The following JPH1 variants were observed in gnomAD, a reference collection of about 807,000 sequenced individuals.
JPH1 encodes the protein junctophilin 1.
In JPH1, 12 loss-of-function variants were observed where a neutral mutation model predicts 53.6. That is an observed-to-expected ratio of 0.22 (90% CI 0.14 to 0.36). The LOEUF is 0.36. JPH1 is among the 10% of genes least tolerant of loss of function. JPH1 has a pLI of 1.00. For missense variants in JPH1, 808 were observed against 905.5 expected (o/e 0.89, Z 1.38); for synonymous variants, 375 against 363.8 (o/e 1.03, Z -0.35).
intron 2 of JPH1, among the ~76,000 whole-genome samples, chr8:74,305,523 G>C (rs950317420): frequency 6.6e-6 from 1 of 152,218 alleles, no homozygotes; most frequent in Non-Finnish European, 1.5e-5. Flanking sequence ...ATTGAGAAAG[G>C]GTCATATTTC....
intron 2 of JPH1, among the ~76,000 whole-genome samples, chr8:74,275,824 C>T (rs1193707570): frequency 6.6e-6 from 1 of 152,170 alleles, no homozygotes; most frequent in Non-Finnish European, 1.5e-5. Context: ...CTTCCCCACC[C>T]CCTGCTCTGA....
At chr8:74,262,237 C>G (rs545261968) in intron 2 of JPH1, among the ~76,000 whole-genome samples, 1 of 152,318 alleles carries the variant, frequency 6.6e-6, no homozygotes, top group Non-Finnish European at 1.5e-5. Context: ...GCTGTTAACA[C>G]CAGCCTGTAC....
chr8:74,320,931 G>T lies in JPH1; in HGVS notation c.357C>A (p.Gly119=). 1 of 1,588,932 alleles carries T rather than the reference G, an allele frequency of 6.3e-7. No homozygotes were observed. Among genetic ancestry groups the T allele is most frequent in the Non-Finnish European group, 8.6e-7 (1 of 1,168,108 alleles). Residue 119 remains glycine (G), a synonymous_variant, in exon 1 of 6, where the codon GGC becomes GGA. Coordinates refer to ENST00000342232, the MANE Select transcript of JPH1 (RefSeq NM_020647.4). The surrounding 1 kb of genome is among the most constrained non-coding windows in gnomAD (Gnocchi z 4.4). Reference sequence around the variant, plus strand: ...CACCTCCGTCCCCGTAGGTCTCCACGCCGTACCCGTCTTGCAGCCCGTTAC... The same window carrying T: ...CACCTCCGTCCCCGTAGGTCTCCACTCCGTACCCGTCTTGCAGCCCGTTAC... The part of the protein sequence containing the change: ...TWSNGLQDGY[G]VETYGDGGTY...
At chr8:74,304,663 G>GA (rs1807781581) in intron 2 of JPH1, among the ~76,000 whole-genome samples, 2 of 400 alleles carry the variant, frequency 5.0e-3, no homozygotes, top group Non-Finnish European at 0.01. Context: ...GCATTGATAG[G>GA]GTTTCTAGAC....
intron 3 of JPH1, among the ~76,000 whole-genome samples, chr8:74,245,989 T>TATAAAGAAACAGG (rs1344630142): frequency 1.3e-5 from 2 of 150,890 alleles, no homozygotes; most frequent in African/African-American, 4.9e-5. Flanking sequence ...ACAGAGTGTG[T>TATAAAGAAACAGG]GCCACAAAAT....
intron 4 of JPH1, among the ~76,000 whole-genome samples, chr8:74,240,164 GTT>G (rs1311432846): frequency 1.3e-5 from 2 of 151,918 alleles, no homozygotes; most frequent in African/African-American, 4.8e-5. Flanking sequence ...TAGAGACGGG[GTT>G]TCACCATGTT....
intron 1 of JPH1, among the ~76,000 whole-genome samples, chr8:74,318,023 C>G (rs1160904799): frequency 6.6e-6 from 1 of 152,164 alleles, no homozygotes; most frequent in African/African-American, 2.4e-5. Context: ...AATTCCTCCA[C>G]AGAATTGCTA....
chr8:74,249,729 C>G (rs1305047339), intron 3 of JPH1, among the ~76,000 whole-genome samples: 1 of 152,162 alleles, frequency 6.6e-6, no homozygotes, highest in Admixed American at 6.5e-5. Context: ...CTTCCCTTTT[C>G]TTAACCAAAT....
chr8:74,317,268 G>A (rs1195790346), intron 1 of JPH1, among the ~76,000 whole-genome samples: 1 of 152,158 alleles, frequency 6.6e-6, no homozygotes, highest in Non-Finnish European at 1.5e-5. Context: ...TGTGACACAG[G>A]CAATAGTAGA....
chr8:74,305,667 A>G (rs1052586324), intron 2 of JPH1, among the ~76,000 whole-genome samples: 4 of 152,176 alleles, frequency 2.6e-5, no homozygotes, highest in Non-Finnish European at 5.9e-5. Context: ...TTTCCCTTCC[A>G]GTCTTCAGTG....
At chr8:74,254,562 A>C (rs1427964063) in intron 3 of JPH1, among the ~76,000 whole-genome samples, 3 of 152,032 alleles carry the variant, frequency 2.0e-5, no homozygotes, top group African/African-American at 4.8e-5. Flanking sequence ...GGCAGGAGAA[A>C]GAAATAAAGG....
At chr8:74,269,399 T>C (rs1251070317) in intron 2 of JPH1, among the ~76,000 whole-genome samples, 1 of 152,268 alleles carries the variant, frequency 6.6e-6, no homozygotes, top group Non-Finnish European at 1.5e-5. Flanking sequence ...TCACTTCATG[T>C]TTCCTTGTAG....
intron 4 of JPH1, among the ~76,000 whole-genome samples, chr8:74,242,518 G>A (rs1318724388): frequency 2.0e-5 from 3 of 152,160 alleles, no homozygotes; most frequent in Non-Finnish European, 1.5e-5. Flanking sequence ...AATTATTCAC[G>A]AATGTCTAAC....
At chr8:74,249,541 A>G (rs1563395194) in intron 3 of JPH1, among the ~76,000 whole-genome samples, 3 of 152,188 alleles carry the variant, frequency 2.0e-5, no homozygotes. Flanking sequence ...CTGGCACTCA[A>G]TACCCATTTG....
rs78019163 is a variant in JPH1 at position 74,315,689 on chromosome 8, G to T, written c.380-69C>A. On this transcript the variant is annotated intron_variant, in intron 1 of 5. Coordinates refer to ENST00000342232, the MANE Select transcript of JPH1 (RefSeq NM_020647.4). The surrounding 1 kb of genome is among the most constrained non-coding windows in gnomAD (Gnocchi z 6.3). ...TGCACCGTCACCTGCACCATCCAGCGCACACTGGCGCAGGCCTGCCCAAGG... is the reference window on the plus strand; with the variant it reads ...TGCACCGTCACCTGCACCATCCAGCTCACACTGGCGCAGGCCTGCCCAAGG... The T allele has an allele frequency of 3.0e-4, 432 of 1,439,000 alleles. 2 individuals carry two copies. The East Asian group carries it at 0.01, about 33-fold the overall frequency. 89.1% of individuals were successfully genotyped at this position (1,439,000 alleles called of 1,614,324 possible).
rs2131466713 is a variant in JPH1, at chr8:74,315,648, G to A, written c.380-28C>T. On this transcript the variant is annotated intron_variant, in intron 1 of 5. Transcript: ENST00000342232. The surrounding 1 kb of genome is among the most constrained non-coding windows in gnomAD (Gnocchi z 6.3). The stretch of plus-strand genomic sequence containing the variant: ...TGGAGAGACCGCAAGAAAGCACCGT[G>A]AGTCGGGGGCAGAGCTGCACCGTCA... 6.4e-7 allele frequency: 1 copy of A among 1,567,350 alleles called. No homozygotes were observed. Among genetic ancestry groups the A allele is most frequent in the East Asian group, 2.3e-5 (1 of 44,252 alleles).
chr8:74,242,027 G>A (rs1033385177), intron 4 of JPH1, among the ~76,000 whole-genome samples: 5 of 152,064 alleles, frequency 3.3e-5, no homozygotes, highest in Admixed American at 6.5e-5. Flanking sequence ...GAGTCCATAC[G>A]CAACCATTGC....
At chr8:74,266,354 T>C (rs900174583) in intron 2 of JPH1, among the ~76,000 whole-genome samples, 12 of 152,058 alleles carry the variant, frequency 7.9e-5, no homozygotes, top group African/African-American at 2.4e-4. Flanking sequence ...AGTGATTATA[T>C]ACATACTGGA....
At position 74,321,382 on chromosome 8, in the gene JPH1, C is replaced by A. The variant is rs1808322061; in HGVS notation, c.-95G>T. ...AGCTCGGGGGTGGGGGCCCGGCGGG[C>A]GAGCTCACGACAGCGCCCTGGGCAG... On this transcript the variant is annotated 5_prime_UTR_variant, in exon 1 of 6. Transcript: ENST00000342232. The surrounding 1 kb of genome is among the most constrained non-coding windows in gnomAD (Gnocchi z 4.3). 2 of 1,269,146 alleles carry A rather than the reference C, an allele frequency of 1.6e-6. No homozygotes were observed. The highest frequency in any genetic ancestry group is 3.2e-5 in the African/African-American group (2 of 62,718). The allele number at this position is 1,269,146 out of a possible 1,614,324, so 78.6% of individuals were successfully genotyped here.
Sources: allele counts gnomAD v4.1 joint callset (sites outside exome capture counted in the v4.1 genomes callset), GRCh38; gene constraint gnomAD v4.1.1; non-coding constraint Gnocchi (gnomAD v3.1); transcripts MANE v1.5; gene names NCBI Gene and HGNC (gene_info 2026-07-23, HGNC 2026-07-21).